The following STXBP4 variants were observed in gnomAD, a reference collection of about 807,000 sequenced individuals.
The protein encoded by STXBP4 is syntaxin-binding protein 4.
A neutral mutation model predicts 76.1 loss-of-function variants in STXBP4; 55 were observed. The observed-to-expected ratio is 0.72, with a 90% CI of 0.58 to 0.91. The LOEUF is 0.91. STXBP4 is among the 40% of genes least tolerant of loss of function. The pLI is 0.00. For missense variants in STXBP4, 618 were observed against 636.9 expected (o/e 0.97, Z 0.32); for synonymous variants, 201 against 220.2 (o/e 0.91, Z 0.77).
chr17:55,045,156 G>T (rs1021705515), intron 11 of STXBP4, among the ~76,000 whole-genome samples: 6 of 152,034 alleles, frequency 3.9e-5, no homozygotes, highest in African/African-American at 1.4e-4. Flanking sequence ...TATTCCCTTT[G>T]AAAAGGTTTT....
intron 8 of STXBP4, among the ~76,000 whole-genome samples, chr17:55,025,770 T>C (rs1035444028): frequency 6.6e-5 from 10 of 152,326 alleles, no homozygotes; most frequent in African/African-American, 2.4e-4. Flanking sequence ...TTATGTTGCG[T>C]TGGAGGTTCT....
In STXBP4 at chr17:55,158,002, A is replaced by G. The variant is rs142608827; in HGVS notation, c.1548-1795A>G. Among the ~76,000 whole-genome samples, 517 of 152,368 alleles carry G rather than the reference A, an allele frequency of 3.4e-3. 8 individuals carry two copies. In the East Asian group the frequency reaches 0.038, roughly 11 times the overall value. ...ATCTCTGGGAAATCTTATAGTAAAG[A>G]AACCTATTCAATTATGTCAAACTTA... On this transcript the variant is annotated intron_variant, in intron 17 of 17. Coordinates refer to ENST00000376352, the MANE Select transcript of STXBP4 (RefSeq NM_178509.6).
intron 12 of STXBP4, among the ~76,000 whole-genome samples, chr17:55,057,323 C>T (rs1410379357): frequency 6.6e-6 from 1 of 152,126 alleles, no homozygotes; most frequent in African/African-American, 2.4e-5. Flanking sequence ...AATGTATTGT[C>T]CTCCTTTTTT....
intron 17 of STXBP4, among the ~76,000 whole-genome samples, chr17:55,147,175 A>G (rs1014398165): frequency 9.9e-5 from 15 of 152,142 alleles, no homozygotes; most frequent in East Asian, 1.9e-4. Flanking sequence ...GCAGTTCCCA[A>G]CCTTTTTGGC....
intron 16 of STXBP4, among the ~76,000 whole-genome samples, chr17:55,103,579 GT>G (rs36032034): frequency 4.1e-4 from 59 of 143,412 alleles, no homozygotes; most frequent in Admixed American, 1.6e-3. Flanking sequence ...CTCCAGTTTT[GT>G]TTTTTTTTTG....
chr17:55,085,226 G>T (rs1472880732), intron 16 of STXBP4, among the ~76,000 whole-genome samples: 1 of 151,516 alleles, frequency 6.6e-6, no homozygotes, highest in South Asian at 2.1e-4. Context: ...GTGGAGGGGG[G>T]AGGGATGGCA....
intron 7 of STXBP4, among the ~76,000 whole-genome samples, chr17:55,005,553 G>A (rs532614931): frequency 7.9e-5 from 12 of 152,280 alleles, no homozygotes; most frequent in African/African-American, 2.6e-4. Flanking sequence ...GTAGGAAAAC[G>A]TAAGTGAGAA....
intron 3 of STXBP4, among the ~76,000 whole-genome samples, 163 bp from the exon 4 acceptor site, chr17:54,990,662 C>G: frequency 6.6e-6 from 1 of 152,158 alleles, no homozygotes; most frequent in East Asian, 1.9e-4. Flanking sequence ...TCCCTCTCCC[C>G]CCACCTTGGA....
chr17:54,997,249 G>A (rs1317568522), intron 4 of STXBP4, among the ~76,000 whole-genome samples: 1 of 151,866 alleles, frequency 6.6e-6, no homozygotes, highest in Non-Finnish European at 1.5e-5. Context: ...ATTCTAGGAG[G>A]CAAAGAAAAA....
In STXBP4 at chr17:54,968,781, AG is replaced by A; in HGVS notation, c.-190del. Reference sequence around the variant, plus strand: ...AGGCTCCTCAGGTGGCAGCGCTTGCAGTCGGGCTACGGAGGCCGGGTTGCCA... The same window carrying A: ...AGGCTCCTCAGGTGGCAGCGCTTGCATCGGGCTACGGAGGCCGGGTTGCCA... On this transcript the variant is annotated 5_prime_UTR_variant, in exon 1 of 18. Transcript: ENST00000376352. 1 of 1,059,598 alleles carries A rather than the reference AG, an allele frequency of 9.4e-7. No homozygotes were observed. The highest frequency in any genetic ancestry group is 1.4e-6 in the Non-Finnish European group (1 of 735,794). The allele number at this position is 1,059,598 out of a possible 1,614,324, so 65.6% of individuals were successfully genotyped here.
At chr17:55,090,446 AT>A (rs1341959058) in intron 16 of STXBP4, among the ~76,000 whole-genome samples, 1 of 152,076 alleles carries the variant, frequency 6.6e-6, no homozygotes, top group East Asian at 1.9e-4. Flanking sequence ...TAAACTCACA[AT>A]GCAAAGGTAC....
chr17:55,124,160 G>A (rs977621850), intron 16 of STXBP4, among the ~76,000 whole-genome samples: 4 of 152,142 alleles, frequency 2.6e-5, no homozygotes, highest in African/African-American at 9.7e-5. Flanking sequence ...AGAAGAAATA[G>A]GAAAACAGCA....
At chr17:55,129,773 G>A (rs1286179493) in intron 16 of STXBP4, among the ~76,000 whole-genome samples, 1 of 152,194 alleles carries the variant, frequency 6.6e-6, no homozygotes, top group African/African-American at 2.4e-5. Context: ...GTGGTAGGCA[G>A]AATTCTCAGG....
At chr17:55,192,404 G>A in the STXBP4 span, among the ~76,000 whole-genome samples, 2 of 152,274 alleles carry the variant, frequency 1.3e-5, no homozygotes, top group East Asian at 3.9e-4. Context: ...GTGTCAAGAG[G>A]AAGAAAGGGA....
At chr17:55,069,153 CAAAAA>C (rs991465831) in intron 12 of STXBP4, among the ~76,000 whole-genome samples, 1 of 75,822 alleles carries the variant, frequency 1.3e-5, no homozygotes, top group African/African-American at 4.2e-5. Context: ...TCAGTGTTGC[CAAAAA>C]AAAAAAAAAA....
chr17:55,133,898 C>T (rs2079998959), intron 16 of STXBP4, among the ~76,000 whole-genome samples: 1 of 151,898 alleles, frequency 6.6e-6, no homozygotes, highest in Admixed American at 6.6e-5. Context: ...TAGACAAATC[C>T]ATTTTTGTAA....
rs190949864 is a variant in STXBP4, at chr17:55,089,821, A to T, written c.1489+8638A>T. ...ATATGAGGTCTTTAATAAAAAGAGA[A>T]TATATTGACTTCTTGTTAAATTGAC... On this transcript the variant is annotated intron_variant, in intron 16 of 17. Transcript: ENST00000376352. Among the ~76,000 whole-genome samples the T allele has an allele frequency of 2.6e-4, 40 of 152,296 alleles. No individual in the cohort carries two copies. The East Asian group carries it at 7.0e-3, about 26-fold the overall frequency.
chr17:55,207,430 G>T, the STXBP4 span, among the ~76,000 whole-genome samples: 2 of 152,132 alleles, frequency 1.3e-5, no homozygotes, highest in African/African-American at 4.8e-5. Context: ...AAGGAATAGA[G>T]TGCCCATTTC....
In STXBP4 at chr17:55,034,572, A is replaced by G. The variant is rs141352391; in HGVS notation, c.855+313A>G. On this transcript the variant is annotated intron_variant, in intron 10 of 17. Transcript: ENST00000376352. ...TACCATGTGTGCATGTGTCCATTCT[A>G]ATCTGTTTTATCTCTCTATAATATA... Among the ~76,000 whole-genome samples the G allele has an allele frequency of 3.3e-3, 506 of 152,192 alleles. 2 individuals carry two copies. Among genetic ancestry groups the G allele is most frequent in the African/African-American group, 0.011 (471 of 41,552 alleles).
Sources: gnomAD v4.1 joint callset for allele counts (sites outside exome capture counted in the v4.1 genomes callset) on GRCh38, gnomAD v4.1.1 for gene constraint, MANE v1.5 for transcripts, NCBI Gene and HGNC (gene_info 2026-07-23, HGNC 2026-07-21) for gene names.